The following SCAI variants were observed in gnomAD, a reference collection of about 807,000 sequenced individuals.
SCAI encodes protein SCAI.
In SCAI, 24 loss-of-function variants were observed where a neutral mutation model predicts 92.2. The ratio of observed to expected loss-of-function variants is 0.26; its 90% CI spans 0.19 to 0.37. The LOEUF is 0.37. Ranked by LOEUF, SCAI falls within the 10% of genes least tolerant of loss-of-function variation. The pLI, the probability that SCAI is intolerant of heterozygous loss-of-function variation, is 1.00. For synonymous variants in SCAI, 261 were observed against 258.6 expected (o/e 1.01, Z -0.09); for missense variants, 450 against 736.2 (o/e 0.61, Z 4.50).
rs1464799996 is a variant in SCAI, at chr9:124,952,698, T to TA, written c.*108dup. The stretch of plus-strand genomic sequence containing the variant: ...TGTTTTTAAAATGGTGGCCCTAAAT[T>TA]AAAAAATAAAAACTAAGTAACACCA... On this transcript the variant is annotated 3_prime_UTR_variant, in exon 18 of 18. Coordinates refer to ENST00000336505, the MANE Select transcript of SCAI (RefSeq NM_001144877.3). 2.5e-6 allele frequency: 2 copies of TA among 806,274 alleles called. No homozygotes were observed. Among genetic ancestry groups the TA allele is most frequent in the African/African-American group, 3.5e-5 (2 of 56,576 alleles). 49.9% of individuals were successfully genotyped at this position (806,274 alleles called of 1,614,324 possible).
chr9:125,116,199 TA>T (rs1040805857), intron 2 of SCAI, among the ~76,000 whole-genome samples: 7 of 151,302 alleles, frequency 4.6e-5, no homozygotes, highest in Admixed American at 1.3e-4. Context: ...AAAATTAATT[TA>T]AAAAAAAAGT....
At chr9:125,061,467 A>C (rs1833766771) in intron 2 of SCAI, among the ~76,000 whole-genome samples, 1 of 152,178 alleles carries the variant, frequency 6.6e-6, no homozygotes, top group Non-Finnish European at 1.5e-5. Context: ...ACTTAAAAAA[A>C]TATTGTTCAA....
intron 2 of SCAI, among the ~76,000 whole-genome samples, chr9:125,103,204 C>G (rs1359732389): frequency 6.6e-6 from 1 of 152,146 alleles, no homozygotes; most frequent in African/African-American, 2.4e-5. Flanking sequence ...CTCTTGAATC[C>G]CATGACATCA....
Position 125,110,569 on chromosome 9 carries a change from C to T in SCAI, c.98+32064G>A, listed in dbSNP as rs79337299. 7.9e-4 allele frequency among the ~76,000 whole-genome samples: 120 copies of T among 152,234 alleles called. 1 individual carries two copies. The East Asian group carries it at 0.023, about 29-fold the overall frequency. ...GAATTGGATCATGGGGGTAGTTCCTCATGATTTCAATTGGCAATAGTGAGT... is the reference window on the plus strand; with the variant it reads ...GAATTGGATCATGGGGGTAGTTCCTTATGATTTCAATTGGCAATAGTGAGT... On this transcript the variant is annotated intron_variant, in intron 2 of 17. Transcript: ENST00000336505.
rs201449251 is a variant in SCAI, at chr9:125,046,701, AT to A, written c.230+9174del. On this transcript the variant is annotated intron_variant, in intron 3 of 17. Coordinates refer to ENST00000336505, the MANE Select transcript of SCAI (RefSeq NM_001144877.3). The stretch of plus-strand genomic sequence containing the variant: ...ACCTGTTCCCCAAAAAACTACTGAA[AT>A]TTAAAAAAAAAAAAAAACTAACTAC... Among the ~76,000 whole-genome samples the A allele has an allele frequency of 2.0e-3, 264 of 133,266 alleles. 1 individual carries two copies. The highest frequency in any genetic ancestry group is 3.6e-3 in the African/African-American group (124 of 34,468). 87.4% of individuals were successfully genotyped at this position (133,266 alleles called of 152,430 possible). A position where few individuals can be genotyped will look rare whatever the true frequency, so the allele number is the denominator to read the frequency against.
intron 2 of SCAI, among the ~76,000 whole-genome samples, chr9:125,122,560 G>A (rs1835175805): frequency 7.8e-6 from 1 of 128,872 alleles, no homozygotes; most frequent in South Asian, 2.6e-4. Context: ...CTGCACTCCA[G>A]CCTGGGCAAC....
intron 2 of SCAI, among the ~76,000 whole-genome samples, chr9:125,108,288 C>T (rs1341984290): frequency 5.9e-5 from 9 of 151,928 alleles, no homozygotes; most frequent in African/African-American, 1.9e-4. Flanking sequence ...TCTGCCTGGC[C>T]GCCCATCATC....
intron 3 of SCAI, among the ~76,000 whole-genome samples, chr9:125,041,500 C>A (rs1395671578): frequency 6.6e-6 from 1 of 152,164 alleles, no homozygotes; most frequent in African/African-American, 2.4e-5. Flanking sequence ...CACTTGCCTG[C>A]AAGTTCCTTT....
intron 3 of SCAI, 25 bp from the exon 4 acceptor site, chr9:125,029,764 T>A: frequency 1.5e-6 from 2 of 1,365,322 alleles, no homozygotes; most frequent in Non-Finnish European, 2.1e-6. Context: ...GAGTATGTAT[T>A]AATATTAAAC....
chr9:124,992,226 C>T (rs1832142543), intron 14 of SCAI, among the ~76,000 whole-genome samples: 1 of 151,406 alleles, frequency 6.6e-6, no homozygotes, highest in Non-Finnish European at 1.5e-5. Context: ...CCTACAAATG[C>T]TTTTGTGGGA....
At chr9:124,954,010 A>C (rs1831274963) in intron 17 of SCAI, among the ~76,000 whole-genome samples, 1 of 152,144 alleles carries the variant, frequency 6.6e-6, no homozygotes, top group Non-Finnish European at 1.5e-5. Context: ...AACCATGCGC[A>C]GCTAATTTTG....
intron 3 of SCAI, among the ~76,000 whole-genome samples, chr9:125,035,922 C>T (rs1429534980): frequency 6.6e-6 from 1 of 152,166 alleles, no homozygotes; most frequent in African/African-American, 2.4e-5. Flanking sequence ...AGCCAACCAG[C>T]AGCCCTCGGG....
At chr9:124,992,767 AAACAAC>A (rs138886393) in intron 14 of SCAI, among the ~76,000 whole-genome samples, 1 of 152,172 alleles carries the variant, frequency 6.6e-6, no homozygotes, top group African/African-American at 2.4e-5. Context: ...CATCAAAAGC[AAACAAC>A]AACAACAAAA....
chr9:124,986,813 C>T (rs1457506014), intron 14 of SCAI, among the ~76,000 whole-genome samples: 1 of 152,210 alleles, frequency 6.6e-6, no homozygotes, highest in Non-Finnish European at 1.5e-5. Context: ...AGAGCTCTTA[C>T]ATAACTGAAT....
chr9:125,041,288 G>C (rs1316828107), intron 3 of SCAI, among the ~76,000 whole-genome samples: 2 of 152,132 alleles, frequency 1.3e-5, no homozygotes, highest in Non-Finnish European at 2.9e-5. Flanking sequence ...TCTCTAATGA[G>C]AGGTTACATC....
At chr9:124,998,505 A>G (rs569638071) in intron 13 of SCAI, among the ~76,000 whole-genome samples, 1 of 152,212 alleles carries the variant, frequency 6.6e-6, no homozygotes, top group Non-Finnish European at 1.5e-5. Flanking sequence ...GGAACGGGGA[A>G]CGGAGGTATA....
chr9:125,019,266 T>C, intron 7 of SCAI, 61 bp from the exon 8 acceptor site: 1 of 892,258 alleles, frequency 1.1e-6, no homozygotes, highest in Non-Finnish European at 1.7e-6. Flanking sequence ...CACAGCCATA[T>C]AGAACCATAT....
At chr9:125,026,980 A>G in intron 5 of SCAI, 70 bp from the exon 6 acceptor site, 1 of 880,968 alleles carries the variant, frequency 1.1e-6, no homozygotes, top group Admixed American at 2.3e-5. Context: ...TACTTGTTCT[A>G]TATACCGCTG....
intron 2 of SCAI, among the ~76,000 whole-genome samples, chr9:125,101,317 G>C (rs1834673768): frequency 6.6e-6 from 1 of 152,188 alleles, no homozygotes; most frequent in Non-Finnish European, 1.5e-5. Flanking sequence ...CGGAAGCAGG[G>C]AAGCCAGTTG....
Sources: gnomAD v4.1 joint callset for allele counts (sites outside exome capture counted in the v4.1 genomes callset) on GRCh38, gnomAD v4.1.1 for gene constraint, MANE v1.5 for transcripts, NCBI Gene and HGNC (gene_info 2026-07-23, HGNC 2026-07-21) for gene names.